The following CTNNA3 variants were observed in gnomAD, a reference collection of about 807,000 sequenced individuals.
CTNNA3 encodes the protein catenin alpha 3.
A neutral mutation model predicts 95.7 loss-of-function variants in CTNNA3; 76 were observed. The observed-to-expected ratio is 0.79, with a 90% CI of 0.66 to 0.96. CTNNA3 has a LOEUF of 0.96. Ranked by LOEUF, CTNNA3 falls within the 40% of genes least tolerant of loss-of-function variation. The pLI, the probability that CTNNA3 is intolerant of heterozygous loss-of-function variation, is 0.00. For synonymous variants in CTNNA3, 431 were observed against 374.4 expected, an observed-to-expected ratio of 1.15 and a Z score of -1.74; for missense variants, 1,191 against 1,089.8, an observed-to-expected ratio of 1.09 and a Z score of -1.31.
At chr10:66,888,359 C>T (rs1845126160) in intron 7 of CTNNA3, among the ~76,000 whole-genome samples, 1 of 152,164 alleles carries the variant, frequency 6.6e-6, no homozygotes, top group Non-Finnish European at 1.5e-5. Context: ...GCCAGCCCTC[C>T]TGACACATTG....
chr10:66,984,896 CT>C (rs955701980), intron 7 of CTNNA3, among the ~76,000 whole-genome samples: 16 of 151,276 alleles, frequency 1.1e-4, no homozygotes, highest in South Asian at 8.4e-4. Flanking sequence ...TGTTTTGGTG[CT>C]TTTTTTTTGT....
chr10:66,697,363 A>G (rs1202610167), intron 9 of CTNNA3, among the ~76,000 whole-genome samples: 1 of 151,506 alleles, frequency 6.6e-6, no homozygotes, highest in Non-Finnish European at 1.5e-5. Context: ...AAATCCTAGG[A>G]AAAGCAAACA....
intron 13 of CTNNA3, among the ~76,000 whole-genome samples, chr10:66,278,566 T>C (rs1313062306): frequency 2.0e-5 from 3 of 152,064 alleles, no homozygotes; most frequent in Non-Finnish European, 4.4e-5. Context: ...ATGAGGAATA[T>C]GTAAAAATAA....
chr10:66,090,758 A>G (rs1185903323), intron 14 of CTNNA3, among the ~76,000 whole-genome samples: 1 of 152,016 alleles, frequency 6.6e-6, no homozygotes, highest in Non-Finnish European at 1.5e-5. Flanking sequence ...TGCTTCTATT[A>G]TATGTCTGTT....
intron 5 of CTNNA3, among the ~76,000 whole-genome samples, chr10:67,338,312 T>C (rs1426570082): frequency 6.6e-6 from 1 of 152,038 alleles, no homozygotes; most frequent in African/African-American, 2.4e-5. Flanking sequence ...AGGTGCCATA[T>C]ACTTTTAAAC....
chr10:66,922,733 G>C (rs991395414), intron 7 of CTNNA3, among the ~76,000 whole-genome samples: 1 of 152,002 alleles, frequency 6.6e-6, no homozygotes, highest in Non-Finnish European at 1.5e-5. Flanking sequence ...ATTTTTCCTT[G>C]TCAATCAATA....
intron 13 of CTNNA3, among the ~76,000 whole-genome samples, chr10:66,174,493 T>C (rs2085605550): frequency 6.6e-6 from 1 of 152,090 alleles, no homozygotes; most frequent in Non-Finnish European, 1.5e-5. Flanking sequence ...GTATGTACAA[T>C]TATATTTCTA....
At chr10:66,846,467 CCACA>C (rs34923400) in intron 7 of CTNNA3, among the ~76,000 whole-genome samples, 12,835 of 147,030 alleles carry the variant, frequency 0.087, 1,300 homozygotes, top group African/African-American at 0.25. Flanking sequence ...AATGTTCTCA[CCACA>C]CACACACACA....
chr10:67,583,542 G>C (rs1842496231), intron 3 of CTNNA3, among the ~76,000 whole-genome samples: 1 of 152,070 alleles, frequency 6.6e-6, no homozygotes, highest in South Asian at 2.1e-4. Context: ...ATGTCTTGTA[G>C]TTGCTCTTGT....
intron 5 of CTNNA3, among the ~76,000 whole-genome samples, chr10:67,510,183 T>C (rs1839568721): frequency 6.6e-6 from 1 of 152,212 alleles, no homozygotes; most frequent in Admixed American, 6.5e-5. Context: ...CAGAAGCTCT[T>C]TAGTTTAATT....
At chr10:66,478,440 A>G (rs986785149) in intron 11 of CTNNA3, among the ~76,000 whole-genome samples, 17 of 152,158 alleles carry the variant, frequency 1.1e-4, no homozygotes, top group African/African-American at 3.9e-4. Flanking sequence ...AAATTTTGAA[A>G]TACATAATTG....
chr10:65,966,690 G>T lies in CTNNA3; in HGVS notation c.2322C>A (p.Phe774Leu). 6.2e-7 allele frequency: 1 copy of T among 1,613,656 alleles called. No homozygotes were observed. The highest frequency in any genetic ancestry group is 8.5e-7 in the Non-Finnish European group (1 of 1,179,654). Residue 774 changes from phenylalanine to leucine, a missense_variant, in exon 17 of 18, where the codon TTC (phenylalanine) becomes TTA (leucine). Transcript: ENST00000433211. ...TGCAGATTTTCAGTTGGTGGGAGTAGAACTTAATCTGTTCCAGGTAGGCCA... is the reference window on the plus strand; with the variant it reads ...TGCAGATTTTCAGTTGGTGGGAGTATAACTTAATCTGTTCCAGGTAGGCCA... ...DLLAYLEQIKFYSHQLKICSQ... is the reference protein window; with the variant it reads ...DLLAYLEQIKLYSHQLKICSQ...
chr10:66,396,539 T>C (rs2092979644), intron 11 of CTNNA3, among the ~76,000 whole-genome samples: 1 of 152,060 alleles, frequency 6.6e-6, no homozygotes, highest in East Asian at 1.9e-4. Context: ...TATTAAAACC[T>C]TGTAAATGAA....
At chr10:66,821,501 A>G (rs1439219106) in intron 7 of CTNNA3, among the ~76,000 whole-genome samples, 1 of 152,176 alleles carries the variant, frequency 6.6e-6, no homozygotes, top group Non-Finnish European at 1.5e-5. Context: ...AGAATTCACC[A>G]CAGCTGAAAA....
chr10:67,413,317 G>C (rs1402564109), intron 5 of CTNNA3, among the ~76,000 whole-genome samples: 2 of 151,922 alleles, frequency 1.3e-5, no homozygotes, highest in Admixed American at 1.3e-4. Flanking sequence ...AGATAAAACA[G>C]ATTTTAAACA....
intron 5 of CTNNA3, among the ~76,000 whole-genome samples, chr10:67,275,372 A>G (rs1839147469): frequency 6.6e-6 from 1 of 152,224 alleles, no homozygotes; most frequent in Non-Finnish European, 1.5e-5. Flanking sequence ...TTAGGATCAA[A>G]GAAAATGTCT....
intron 9 of CTNNA3, among the ~76,000 whole-genome samples, chr10:66,757,395 A>G (rs1589221527): frequency 6.6e-6 from 1 of 152,202 alleles, no homozygotes; most frequent in East Asian, 1.9e-4. Flanking sequence ...TAACTAGTAT[A>G]CATAGCACTG....
intron 7 of CTNNA3, among the ~76,000 whole-genome samples, chr10:67,107,818 G>C (rs1293341425): frequency 1.3e-5 from 2 of 152,028 alleles, no homozygotes; most frequent in East Asian, 1.9e-4. Flanking sequence ...GTCACACAGA[G>C]GTTCCAGTCC....
intron 5 of CTNNA3, among the ~76,000 whole-genome samples, chr10:67,257,749 T>A (rs1208659629): frequency 6.6e-6 from 1 of 152,128 alleles, no homozygotes; most frequent in Non-Finnish European, 1.5e-5. Flanking sequence ...AATTTTTTCT[T>A]TAATTAAAAA....
Sources: allele counts gnomAD v4.1 joint callset (sites outside exome capture counted in the v4.1 genomes callset), GRCh38; gene constraint gnomAD v4.1.1; transcripts MANE v1.5; gene names NCBI Gene and HGNC (gene_info 2026-07-23, HGNC 2026-07-21).